Variants in ITSN1 observed in about 807,000 individuals in gnomAD.
ITSN1 encodes the protein intersectin 1, also known as intersectin-1.
Under a neutral mutation model 239.8 loss-of-function variants are expected in ITSN1, and 58 were observed. That is an observed-to-expected ratio of 0.24 (90% CI 0.20 to 0.30). ITSN1 has a LOEUF of 0.30. Among genes scored for constraint, ITSN1 ranks in the 10% least tolerant of loss-of-function variants. The pLI is 1.00. For missense variants in ITSN1, 1,558 were observed against 2,103.3 expected (o/e 0.74, Z 5.07); for synonymous variants, 780 against 770.8 (o/e 1.01, Z -0.20).
At chr21:33,848,845 CT>C in intron 29 of ITSN1, among the ~76,000 whole-genome samples, 1 of 152,364 alleles carries the variant, frequency 6.6e-6, no homozygotes, top group Admixed American at 6.5e-5. Flanking sequence ...TGCCTGCCCC[CT>C]CACCACCGAT....
intron 14 of ITSN1, among the ~76,000 whole-genome samples, chr21:33,779,386 A>T (rs1401754680): frequency 6.6e-6 from 1 of 152,084 alleles, no homozygotes; most frequent in African/African-American, 2.4e-5. Context: ...ATATTTATTC[A>T]ATTCAAAATC....
intron 16 of ITSN1, among the ~76,000 whole-genome samples, chr21:33,789,302 G>A (rs948854005): frequency 6.6e-6 from 1 of 152,104 alleles, no homozygotes; most frequent in Admixed American, 6.5e-5. Context: ...ATAAACACCT[G>A]AAATTTCTGA....
rs1021374452 is a variant in ITSN1 at position 33,802,421 on chromosome 21, C to G, written c.2305-9C>G. The G allele has an allele frequency of 3.7e-6, 6 of 1,612,886 alleles. No homozygotes were observed. The highest frequency in any genetic ancestry group is 5.1e-6 in the Non-Finnish European group (6 of 1,179,322). On this transcript the variant is annotated splice_polypyrimidine_tract_variant and intron_variant, in intron 19 of 39. Coordinates refer to ENST00000381318, the MANE Select transcript of ITSN1 (RefSeq NM_003024.3). ...GCCTTGCTTTCAAACCTTTGCTTTC[C>G]TGGTGGAGGTTAAAGGGGAATGGGT... is the stretch of plus-strand genomic sequence containing the variant.
chr21:33,659,171 C>G (rs1377423834), intron 1 of ITSN1, among the ~76,000 whole-genome samples: 1 of 152,188 alleles, frequency 6.6e-6, no homozygotes, highest in Non-Finnish European at 1.5e-5. Flanking sequence ...AGCCCTGGAA[C>G]TGTGAGGTTC....
At chr21:33,852,336 C>T (rs770202014) in intron 29 of ITSN1, among the ~76,000 whole-genome samples, 10 of 152,164 alleles carry the variant, frequency 6.6e-5, no homozygotes, top group African/African-American at 1.2e-4. Context: ...AATTCTGCTT[C>T]TCATTGGGAA....
At chr21:33,750,989 A>G (rs2147479233) in intron 6 of ITSN1, among the ~76,000 whole-genome samples, 1 of 152,338 alleles carries the variant, frequency 6.6e-6, no homozygotes, top group African/African-American at 2.4e-5. Flanking sequence ...TTCAGTATTG[A>G]CGACATGGGT....
rs948978200 is a variant in ITSN1, at chr21:33,885,637, C to T, written c.4843+115C>T. On this transcript the variant is annotated intron_variant, in intron 38 of 39. Transcript: ENST00000381318. ...TGCTATTTCCATACTCCCTGATCTC[C>T]TTCCAGAATTGGTTTAACTAGCACT... 1.3e-5 allele frequency: 10 copies of T among 787,706 alleles called. No individual in the cohort carries two copies. The African/African-American group carries it at 1.5e-4, about 12-fold the overall frequency. The allele number at this position is 787,706 out of a possible 1,614,324, so 48.8% of individuals were successfully genotyped here. A position where few individuals can be genotyped will look rare whatever the true frequency, so the allele number is the denominator to read the frequency against.
chr21:33,794,268 G>A, intron 16 of ITSN1, 73 bp from the exon 17 acceptor site: 1 of 1,153,900 alleles, frequency 8.7e-7, no homozygotes, highest in African/African-American at 1.5e-5. Context: ...ACTATGAAAT[G>A]TTGCATGCTG....
intron 4 of ITSN1, among the ~76,000 whole-genome samples, chr21:33,725,385 C>T (rs549107631): frequency 6.6e-5 from 10 of 151,668 alleles, no homozygotes; most frequent in African/African-American, 2.2e-4. Flanking sequence ...CCACCTGCCT[C>T]GACCTCCCAA....
At chr21:33,660,366 G>A (rs2089457914) in intron 1 of ITSN1, among the ~76,000 whole-genome samples, 1 of 152,088 alleles carries the variant, frequency 6.6e-6, no homozygotes, top group African/African-American at 2.4e-5. Flanking sequence ...TCTTCATGTG[G>A]ATTTTTGTCT....
At chr21:33,672,028 T>C (rs1420743199) in intron 1 of ITSN1, among the ~76,000 whole-genome samples, 1 of 151,996 alleles carries the variant, frequency 6.6e-6, no homozygotes, top group African/African-American at 2.4e-5. Flanking sequence ...GCAGATCACC[T>C]GAGGTTGGGA....
At chr21:33,835,956 A>T (rs1232169048) in intron 28 of ITSN1, among the ~76,000 whole-genome samples, 1 of 152,108 alleles carries the variant, frequency 6.6e-6, no homozygotes, top group Non-Finnish European at 1.5e-5. Flanking sequence ...AAATAAATAA[A>T]TCACTGGTTT....
chr21:33,646,037 A>ACGTGAATTACATTGCAG (rs541303526), intron 1 of ITSN1, among the ~76,000 whole-genome samples: 341 of 152,366 alleles, frequency 2.2e-3, no homozygotes, highest in African/African-American at 8.0e-3. Flanking sequence ...TTGAGTGAAT[A>ACGTGAATTACATTGCAG]CGTGAATTAC....
Position 33,700,305 on chromosome 21 carries a change from G to A in ITSN1, c.-32-18492G>A, listed in dbSNP as rs1018736001. Among the ~76,000 whole-genome samples the A allele has an allele frequency of 9.2e-5, 14 of 152,122 alleles. No homozygotes were observed. In the East Asian group the frequency reaches 1.2e-3, roughly 13 times the overall value. ...TTGCCATGTTGGCCAGGCTGGTCTCGAACTCCTAACCTCAGGTGATCCACC... is the reference window on the plus strand; with the variant it reads ...TTGCCATGTTGGCCAGGCTGGTCTCAAACTCCTAACCTCAGGTGATCCACC... On this transcript the variant is annotated intron_variant, in intron 1 of 39. Transcript: ENST00000381318.
intron 6 of ITSN1, 105 bp downstream of exon 6, chr21:33,750,427 T>C (rs565622871): frequency 1.9e-6 from 2 of 1,054,280 alleles, no homozygotes; most frequent in Non-Finnish European, 2.8e-6. Context: ...TAAATGATAT[T>C]TTAGTCCAGA....
intron 1 of ITSN1, among the ~76,000 whole-genome samples, chr21:33,712,938 C>G (rs1174151140): frequency 6.6e-6 from 1 of 152,158 alleles, no homozygotes; most frequent in Non-Finnish European, 1.5e-5. Flanking sequence ...AGTGCTGTGG[C>G]AGGATCTCGG....
chr21:33,659,195 G>A (rs544533819), intron 1 of ITSN1, among the ~76,000 whole-genome samples: 8 of 152,308 alleles, frequency 5.3e-5, no homozygotes, highest in Non-Finnish European at 1.2e-4. Context: ...GAGCTGGGTT[G>A]GTGAACCCAT....
chr21:33,759,975 T>C (rs1280442261), intron 8 of ITSN1, among the ~76,000 whole-genome samples: 2 of 151,946 alleles, frequency 1.3e-5, no homozygotes, highest in Non-Finnish European at 2.9e-5. Flanking sequence ...TGGTGGCGCA[T>C]GCCTGTAGTC....
At chr21:33,743,381 G>A (rs1014059177) in intron 5 of ITSN1, among the ~76,000 whole-genome samples, 6 of 152,192 alleles carry the variant, frequency 3.9e-5, no homozygotes, top group African/African-American at 9.7e-5. Context: ...CATGAGAATC[G>A]CTTGAACCCG....
Sources: gnomAD v4.1 joint callset for allele counts (sites outside exome capture counted in the v4.1 genomes callset) on GRCh38, gnomAD v4.1.1 for gene constraint, MANE v1.5 for transcripts, NCBI Gene and HGNC (gene_info 2026-07-23, HGNC 2026-07-21) for gene names.